Variants in PARVB observed in about 807,000 individuals in gnomAD.
The protein encoded by PARVB is beta-parvin.
In PARVB, 46 loss-of-function variants were observed where a neutral mutation model predicts 47.0. That is an observed-to-expected ratio of 0.98 (90% confidence interval 0.77 to 1.25). The LOEUF (loss-of-function observed/expected upper bound fraction) is 1.25. Ranked by LOEUF, PARVB falls within the 50% of genes most tolerant of loss-of-function variation. PARVB has a pLI of 0.00. For synonymous variants in PARVB, 196 were observed against 196.3 expected, an observed-to-expected ratio of 1.00 and a Z score of 0.01; for missense variants, 473 against 471.6, an observed-to-expected ratio of 1.00 and a Z score of -0.03.
At chr22:44,122,546 G>GAC (rs1569134478) in intron 4 of PARVB, among the ~76,000 whole-genome samples, 7 of 94,552 alleles carry the variant, frequency 7.4e-5, no homozygotes, top group African/African-American at 3.8e-4. Context: ...GAGAGAGAGA[G>GAC]AGAGAGACAC....
rs1428942856 is a variant in PARVB, at chr22:44,049,478, T to G, written c.112+25027T>G. 6.6e-6 allele frequency among the ~76,000 whole-genome samples: 1 copy of G among 152,366 alleles called. No homozygotes were observed. Among genetic ancestry groups the G allele is most frequent in the East Asian group, 1.9e-4 (1 of 5,194 alleles). ...AAATTTGGATTTGCTCCACTCTTTT[T>G]CACGGGCATAAAAATATCTGCGGAG... On this transcript the variant is annotated intron_variant, in intron 1 of 12. Transcript: ENST00000338758. This position sits in a 1 kb window ranked among gnomAD's most constrained non-coding sequence, Gnocchi z 4.0.
intron 2 of PARVB, among the ~76,000 whole-genome samples, chr22:44,012,973 T>G (rs1196943620): frequency 1.3e-5 from 2 of 152,184 alleles, no homozygotes; most frequent in Middle Eastern, 3.4e-3. Flanking sequence ...GTCAGCTTAC[T>G]GCAACCTCCA....
chr22:44,090,517 T>C (rs971936897), intron 1 of PARVB, among the ~76,000 whole-genome samples: 1 of 152,246 alleles, frequency 6.6e-6, no homozygotes, highest in Non-Finnish European at 1.5e-5. Context: ...TTCTAGGCTT[T>C]CAAAATGTGG....
chr22:44,122,582 G>GAGAC (rs2053091738), intron 4 of PARVB, among the ~76,000 whole-genome samples: 3 of 132,766 alleles, frequency 2.3e-5, no homozygotes, highest in African/African-American at 1.1e-4. Context: ...GAGAGAGAGA[G>GAGAC]AGAGAGAGAG....
At chr22:44,122,486 T>G (rs2053069210) in intron 4 of PARVB, among the ~76,000 whole-genome samples, 1 of 78,194 alleles carries the variant, frequency 1.3e-5, no homozygotes, top group Non-Finnish European at 2.7e-5. Flanking sequence ...ACCCTGTCGA[T>G]CAAGAGAGAG....
At chr22:44,132,630 A>G (rs1420422353) in intron 5 of PARVB, among the ~76,000 whole-genome samples, 1 of 151,842 alleles carries the variant, frequency 6.6e-6, no homozygotes, top group Non-Finnish European at 1.5e-5. Flanking sequence ...TTCCCTCATC[A>G]CTGCCCAATT....
At chr22:44,020,045 G>C (rs2050630099), upstream of PARVB, among the ~76,000 whole-genome samples, 1 of 152,180 alleles carries the variant, frequency 6.6e-6, no homozygotes. Flanking sequence ...CTCCCCGCCA[G>C]CAAGTCGGCA....
At chr22:44,000,266 CATT>C (rs2050401097) in intron 2 of PARVB, among the ~76,000 whole-genome samples, 1 of 152,206 alleles carries the variant, frequency 6.6e-6, no homozygotes, top group Non-Finnish European at 1.5e-5. Context: ...TGTCTGAGGA[CATT>C]ATGTACAAGG....
Position 44,093,913 on chromosome 22 carries a change from C to T in PARVB, c.113-15C>T, listed in dbSNP as rs1478590002. ...GTGTATACTAACCTGGTTTTTCTTT[C>T]CTTTTGCTCAACAGTGAGTGACCTG... On this transcript the variant is annotated splice_polypyrimidine_tract_variant and intron_variant, in intron 1 of 12. Coordinates refer to ENST00000338758, the MANE Select transcript of PARVB (RefSeq NM_013327.5). 1.0e-5 allele frequency: 16 copies of T among 1,596,096 alleles called. No individual in the cohort carries two copies. Among genetic ancestry groups the T allele is most frequent in the Non-Finnish European group, 1.4e-5 (16 of 1,165,306 alleles).
At chr22:44,135,887 G>A (rs2053431329) in intron 6 of PARVB, among the ~76,000 whole-genome samples, 1 of 152,084 alleles carries the variant, frequency 6.6e-6, no homozygotes, top group Non-Finnish European at 1.5e-5. Context: ...GTCTGTTTCT[G>A]TGTCTGTTTC....
At chr22:44,024,524 A>G (rs2050696111) in intron 1 of PARVB, 73 bp downstream of exon 1, 1 of 727,382 alleles carries the variant, frequency 1.4e-6, no homozygotes, top group Non-Finnish European at 1.7e-6. Context: ...CTAGAGCCCC[A>G]CGAGGCCGCC....
At chr22:44,092,980 C>A (rs1326532194) in intron 1 of PARVB, among the ~76,000 whole-genome samples, 1 of 152,238 alleles carries the variant, frequency 6.6e-6, no homozygotes, top group East Asian at 1.9e-4. Flanking sequence ...GCCTGGGTAC[C>A]TTTGCAGCAT....
At chr22:44,070,105 C>T (rs1203521251) in intron 1 of PARVB, among the ~76,000 whole-genome samples, 1 of 152,240 alleles carries the variant, frequency 6.6e-6, no homozygotes, top group Non-Finnish European at 1.5e-5. Context: ...GGGCTTTCTG[C>T]ATCCCAGGGA....
At position 44,096,998 on chromosome 22, in the gene PARVB, G is replaced by A. The variant is rs114575353; in HGVS notation, c.202+2981G>A. ...CCCGGCACCCCCTGGATGGAGCAGC[G>A]CTTGCTGTACCCACTGTGGTGTCCC... On this transcript the variant is annotated intron_variant, in intron 2 of 12. Transcript: ENST00000338758. 8.6e-3 allele frequency among the ~76,000 whole-genome samples: 1,307 copies of A among 152,160 alleles called. 24 individuals carry two copies. Among genetic ancestry groups the A allele is most frequent in the African/African-American group, 0.03 (1,246 of 41,512 alleles).
At chr22:44,007,309 G>A (rs1261813326) in intron 2 of PARVB, among the ~76,000 whole-genome samples, 2 of 152,198 alleles carry the variant, frequency 1.3e-5, no homozygotes, top group South Asian at 4.1e-4. Context: ...CCTCCGAGAA[G>A]CCCATCCTTT....
At chr22:44,064,618 C>T (rs771247290) in intron 1 of PARVB, among the ~76,000 whole-genome samples, 5 of 152,166 alleles carry the variant, frequency 3.3e-5, no homozygotes, top group East Asian at 1.9e-4. Flanking sequence ...GCTGGAGGAT[C>T]GCTTGAGCCC....
rs71188434 is a variant in PARVB at position 44,156,279 on chromosome 22, CT to C, written c.844-1684del. Among the ~76,000 whole-genome samples the C allele has an allele frequency of 9.7e-3, 1,224 of 126,370 alleles. 18 individuals are homozygous for C. The highest frequency in any genetic ancestry group is 0.03 in the African/African-American group (980 of 33,026). 82.9% of individuals were successfully genotyped at this position (126,370 alleles called of 152,430 possible). On this transcript the variant is annotated intron_variant, in intron 10 of 12. Transcript: ENST00000338758. The stretch of plus-strand genomic sequence containing the variant: ...GATGTTTGTGATTTTGACTTTTCAT[CT>C]TTTTTTTTTTTTTTTTTTGAGACAG...
At chr22:44,037,602 G>T (rs2050944337) in intron 1 of PARVB, among the ~76,000 whole-genome samples, 1 of 152,128 alleles carries the variant, frequency 6.6e-6, no homozygotes, top group Non-Finnish European at 1.5e-5. Context: ...TTTGCAGATG[G>T]GCAAACACAG....
In PARVB at chr22:44,114,800, C is replaced by T. The variant is rs189506366; in HGVS notation, c.274-4238C>T. The stretch of plus-strand genomic sequence containing the variant: ...AGATACATTGTTACTAAGTAAGGCC[C>T]TGCACCAACACAGATGCATTGTTAC... On this transcript the variant is annotated intron_variant, in intron 3 of 12. Transcript: ENST00000338758. The T allele has an allele frequency of 2.9e-5, 4 of 139,048 alleles. No individual in the cohort carries two copies. In the East Asian group the frequency reaches 6.9e-4, roughly 24 times the overall value. 8.6% of individuals were successfully genotyped at this position (139,048 alleles called of 1,614,324 possible). A position where few individuals can be genotyped will look rare whatever the true frequency, so the allele number is the denominator to read the frequency against.
Sources: allele counts gnomAD v4.1 joint callset (sites outside exome capture counted in the v4.1 genomes callset), GRCh38; gene constraint gnomAD v4.1.1; non-coding constraint Gnocchi (gnomAD v3.1); transcripts MANE v1.5; gene names NCBI Gene and HGNC (gene_info 2026-07-23, HGNC 2026-07-21).